The following PRR33 variants were observed in gnomAD, a reference collection of about 807,000 sequenced individuals.
PRR33 encodes the protein proline rich 33, also known as proline-rich protein 33.
PRR33 carries 1 observed loss-of-function variant against 0.5 expected under a neutral mutation model. The ratio of observed to expected loss-of-function variants is 2.18; its 90% CI spans 0.77 to 10.34. PRR33 has a LOEUF of 10.34. Ranked by LOEUF, PRR33 falls within the 30% of genes most tolerant of loss-of-function variation. PRR33 has a pLI of 0.13. For synonymous variants in PRR33, 226 were observed against 110.0 expected (o/e 2.06, Z -6.60); for missense variants, 552 against 251.8 (o/e 2.19, Z -8.07).
At chr11:1,908,113 C>T in the PRR33 span, among the ~76,000 whole-genome samples, 1 of 152,222 alleles carries the variant, frequency 6.6e-6, no homozygotes, top group African/African-American at 2.4e-5. Flanking sequence ...GCATCTACCT[C>T]CTCAGCCTGC....
upstream of PRR33, among the ~76,000 whole-genome samples, chr11:1,894,077 T>TGTGTGA (rs1491211173): frequency 0.059 from 231 of 3,936 alleles, 3 homozygotes; most frequent in African/African-American, 0.17. Flanking sequence ...TGTGTGTGTG[T>TGTGTGA]GATAGGGCCT....
chr11:1,895,193 C>T (rs1849110430), upstream of PRR33, among the ~76,000 whole-genome samples: 1 of 151,724 alleles, frequency 6.6e-6, no homozygotes, highest in Non-Finnish European at 1.5e-5. Flanking sequence ...AGTGCAGTGG[C>T]GCCATCTTGG....
the PRR33 span, among the ~76,000 whole-genome samples, chr11:1,906,758 G>A: frequency 9.9e-5 from 15 of 152,270 alleles, no homozygotes; most frequent in Admixed American, 3.9e-4. Context: ...GTGAGCTCCC[G>A]GCACTGGTCT....
chr11:1,912,322 G>A, the PRR33 span, among the ~76,000 whole-genome samples: 2 of 152,048 alleles, frequency 1.3e-5, no homozygotes, highest in African/African-American at 2.4e-5. Flanking sequence ...GATTCGGAAT[G>A]CAAGGTTCAA....
At chr11:1,911,182 C>T in the PRR33 span, among the ~76,000 whole-genome samples, 1 of 152,140 alleles carries the variant, frequency 6.6e-6, no homozygotes, top group Non-Finnish European at 1.5e-5. Flanking sequence ...CAGTGGCTCA[C>T]GTCTGTAATC....
chr11:1,914,479 TTG>T, the PRR33 span, among the ~76,000 whole-genome samples: 178 of 145,490 alleles, frequency 1.2e-3, no homozygotes, highest in African/African-American at 2.7e-3. Flanking sequence ...ATGTTTTTCT[TTG>T]TGTGTGTGTG....
At chr11:1,909,388 G>A in the PRR33 span, among the ~76,000 whole-genome samples, 4 of 152,076 alleles carry the variant, frequency 2.6e-5, no homozygotes, top group African/African-American at 7.2e-5. Flanking sequence ...TGAGGTGGGC[G>A]GATCACGAGG....
chr11:1,906,625 C>T, the PRR33 span, among the ~76,000 whole-genome samples: 8 of 152,154 alleles, frequency 5.3e-5, no homozygotes, highest in Non-Finnish European at 1.2e-4. Flanking sequence ...TAAGGGAGGT[C>T]TGGAATAGTG....
At chr11:1,911,475 T>A in the PRR33 span, among the ~76,000 whole-genome samples, 2 of 151,364 alleles carry the variant, frequency 1.3e-5, no homozygotes. Context: ...AATTAATAAG[T>A]GGCACGATCT....
At chr11:1,915,047 A>AGT in the PRR33 span, among the ~76,000 whole-genome samples, 2 of 106,634 alleles carry the variant, frequency 1.9e-5, no homozygotes, top group Non-Finnish European at 3.8e-5. Flanking sequence ...GATGTTTGTG[A>AGT]GTGTGTGTGT....
chr11:1,917,160 TG>T, the PRR33 span, among the ~76,000 whole-genome samples: 1,039 of 152,328 alleles, frequency 6.8e-3, 11 homozygotes, highest in Non-Finnish European at 9.0e-3. Flanking sequence ...TGGCAGTGAT[TG>T]AGCCCACAGC....
At chr11:1,900,878 T>C in the PRR33 span, among the ~76,000 whole-genome samples, 5 of 152,226 alleles carry the variant, frequency 3.3e-5, no homozygotes, top group Admixed American at 2.6e-4. Context: ...TTTTGGATAC[T>C]ATAGGGGCCC....
the PRR33 span, among the ~76,000 whole-genome samples, chr11:1,915,520 C>A: frequency 1.1e-5 from 1 of 88,524 alleles, no homozygotes; most frequent in Non-Finnish European, 2.1e-5. Flanking sequence ...GGTCACACAC[C>A]TGGGATGTTT....
chr11:1,890,824 C>A (rs1158269975), exon 1 of PRR33: 29 of 571,128 alleles, frequency 5.1e-5, no homozygotes, highest in Non-Finnish European at 8.4e-5. Flanking sequence ...GAGGCCGAGT[C>A]CCTCCAGGGA....
chr11:1,894,493 T>TC (rs1408440284), upstream of PRR33, among the ~76,000 whole-genome samples: 1 of 152,116 alleles, frequency 6.6e-6, no homozygotes, highest in Admixed American at 6.5e-5. Context: ...TGCCTCCACC[T>TC]CCCAGAGTGC....
Position 1,891,004 on chromosome 11 carries a change from GCCCA to G in PRR33, c.-424_-421del. 1 of 168,850 alleles carries G rather than the reference GCCCA, an allele frequency of 5.9e-6. No homozygotes were observed. Among genetic ancestry groups the G allele is most frequent in the East Asian group, 1.6e-4 (1 of 6,142 alleles). 10.5% of individuals were successfully genotyped at this position (168,850 alleles called of 1,614,324 possible). A position where few individuals can be genotyped will look rare whatever the true frequency, so the allele number is the denominator to read the frequency against. ...ATGCCCCTGGCCAGCTGCTGGCCAA[GCCCA>G]GGGCTGGAAGAGCGGCTGCCCCCAG... On this transcript the variant is annotated 5_prime_UTR_variant, in exon 1 of 1. It removes the in-frame stop codon of an upstream open reading frame in the 5' UTR. Transcript: ENST00000640310.
exon 1 of PRR33, chr11:1,889,242 T>A (rs1848881737): frequency 1.5e-6 from 1 of 674,078 alleles, no homozygotes; most frequent in Admixed American, 2.2e-5. Flanking sequence ...CCGGGTGGCC[T>A]CCTGCAGCTT....
the PRR33 span, among the ~76,000 whole-genome samples, chr11:1,907,266 A>G: frequency 1.4e-3 from 216 of 152,296 alleles, 1 homozygote; most frequent in South Asian, 0.013. Context: ...ATTTTGGTGG[A>G]CATGTTTGGA....
the PRR33 span, among the ~76,000 whole-genome samples, chr11:1,911,654 C>T: frequency 6.6e-6 from 1 of 151,608 alleles, no homozygotes; most frequent in African/African-American, 2.4e-5. Context: ...CTCCTGACCT[C>T]AAGTGATTCG....
Sources: gnomAD v4.1 joint callset for allele counts (sites outside exome capture counted in the v4.1 genomes callset) on GRCh38, gnomAD v4.1.1 for gene constraint, MANE v1.5 for transcripts, NCBI Gene and HGNC (gene_info 2026-07-23, HGNC 2026-07-21) for gene names.